CRACD: variants seen among roughly 807,000 people sequenced by gnomAD.
CRACD encodes the protein capping protein-inhibiting regulator of actin dynamics.
CRACD carries 56 observed loss-of-function variants against 106.8 expected under a neutral mutation model. That is an observed-to-expected ratio of 0.52 (90% confidence interval 0.42 to 0.66). CRACD has a LOEUF of 0.66. Ranked by LOEUF, CRACD falls within the 30% of genes least tolerant of loss-of-function variation. The pLI is 0.00. For missense variants in CRACD, 1,730 were observed against 1,623.2 expected (o/e 1.07, Z -1.13); for synonymous variants, 754 against 670.8 (o/e 1.12, Z -1.92).
At chr4:56,121,518 C>T (rs1020867300) in intron 1 of CRACD, among the ~76,000 whole-genome samples, 1 of 152,048 alleles carries the variant, frequency 6.6e-6, no homozygotes, top group African/African-American at 2.4e-5. Flanking sequence ...ATGGTGTGCA[C>T]CTGTAATCCC....
intron 8 of CRACD, among the ~76,000 whole-genome samples, chr4:56,321,572 T>G (rs907052553): frequency 1.3e-5 from 2 of 152,198 alleles, no homozygotes; most frequent in Admixed American, 1.3e-4. Flanking sequence ...TCTTGGCAAC[T>G]TGGTTTTTAG....
At chr4:56,072,733 C>T (rs1481262039) in intron 1 of CRACD, among the ~76,000 whole-genome samples, 1 of 152,098 alleles carries the variant, frequency 6.6e-6, no homozygotes, top group Non-Finnish European at 1.5e-5. Context: ...TTAGGTATTT[C>T]TCCTAATGCT....
At chr4:56,227,443 AT>A (rs1434970343) in intron 2 of CRACD, among the ~76,000 whole-genome samples, 2 of 152,230 alleles carry the variant, frequency 1.3e-5, no homozygotes, top group African/African-American at 4.8e-5. Flanking sequence ...ACAACATATC[AT>A]CAGTAACAAG....
intron 1 of CRACD, among the ~76,000 whole-genome samples, chr4:56,139,335 T>C (rs9990873): frequency 0.27 from 40,466 of 149,510 alleles, 5,544 homozygotes; most frequent in East Asian, 0.45. Flanking sequence ...TCCTCTCTCT[T>C]TCTCTCTCTC....
intron 2 of CRACD, among the ~76,000 whole-genome samples, chr4:56,231,159 C>T (rs1382261138): frequency 6.6e-6 from 1 of 152,158 alleles, no homozygotes; most frequent in Non-Finnish European, 1.5e-5. Flanking sequence ...TGTTCTTGTA[C>T]ATCATGATAT....
At chr4:56,101,679 C>T (rs1469183620) in intron 1 of CRACD, among the ~76,000 whole-genome samples, 2 of 149,616 alleles carry the variant, frequency 1.3e-5, no homozygotes, top group African/African-American at 4.9e-5. Flanking sequence ...AGGAGAATCG[C>T]TTGAACCCAG....
chr4:56,084,691 T>C (rs1733155942), intron 1 of CRACD, among the ~76,000 whole-genome samples: 1 of 152,194 alleles, frequency 6.6e-6, no homozygotes, highest in Non-Finnish European at 1.5e-5. Context: ...CACTGCCCTT[T>C]CCTAGTAATT....
intron 2 of CRACD, among the ~76,000 whole-genome samples, chr4:56,258,482 T>C (rs535501503): frequency 6.6e-6 from 1 of 152,358 alleles, no homozygotes; most frequent in African/African-American, 2.4e-5. Context: ...AACTTCTAAA[T>C]TGATTGAGAC....
chr4:56,233,493 G>A (rs1025096455), intron 2 of CRACD, among the ~76,000 whole-genome samples: 7 of 152,168 alleles, frequency 4.6e-5, no homozygotes, highest in African/African-American at 1.7e-4. Context: ...TCAAAAATCA[G>A]TTGTCAGTAT....
intron 2 of CRACD, among the ~76,000 whole-genome samples, chr4:56,270,145 T>C (rs1742263851): frequency 2.0e-5 from 3 of 152,226 alleles, no homozygotes. Context: ...TATTATTCTG[T>C]CTGCGTCCTC....
At chr4:56,106,737 T>C (rs1482753397) in intron 1 of CRACD, among the ~76,000 whole-genome samples, 7 of 152,328 alleles carry the variant, frequency 4.6e-5, no homozygotes, top group African/African-American at 1.7e-4. Context: ...CTCATTTGGA[T>C]TGTACAAGAA....
At position 56,245,393 on chromosome 4, in the gene CRACD, G is replaced by T. The variant is rs77383323; in HGVS notation, c.-188-26928G>T. 2.9e-3 allele frequency among the ~76,000 whole-genome samples: 442 copies of T among 152,180 alleles called. 6 individuals are homozygous for T. In the East Asian group the frequency reaches 0.054, roughly 18 times the overall value. ...AATCTCCCTGGCTGTGATACCTATG[G>T]TATCTTTTGTCACATGCCAAAAAAA... On this transcript the variant is annotated intron_variant, in intron 2 of 10. Transcript: ENST00000682029.
intron 1 of CRACD, among the ~76,000 whole-genome samples, chr4:56,130,401 TA>T (rs1384188651): frequency 6.6e-6 from 1 of 152,192 alleles, no homozygotes; most frequent in Non-Finnish European, 1.5e-5. Context: ...ATAAATATTT[TA>T]ATATATTTAT....
At chr4:56,122,354 A>G (rs1379789587) in intron 1 of CRACD, among the ~76,000 whole-genome samples, 1 of 152,078 alleles carries the variant, frequency 6.6e-6, no homozygotes, top group South Asian at 2.1e-4. Flanking sequence ...AGAAAAAAAA[A>G]GTCAGGAAAA....
At chr4:56,190,142 C>T (rs1292458027) in intron 2 of CRACD, among the ~76,000 whole-genome samples, 1 of 151,720 alleles carries the variant, frequency 6.6e-6, no homozygotes. Context: ...CTACAAAGGA[C>T]ATGAACTCAT....
chr4:56,284,719 C>T lies in CRACD; in HGVS notation c.-17+12227C>T, dbSNP rs150028504. ...CAGCCTGGGCTACAGAGTGAGACTC[C>T]GTCTCGAAAACAAAAAACAAAAAAA... is the stretch of plus-strand genomic sequence containing the variant. On this transcript the variant is annotated intron_variant, in intron 3 of 10. Coordinates refer to ENST00000682029, the MANE Select transcript of CRACD (RefSeq NM_001393381.1). Among the ~76,000 whole-genome samples the T allele has an allele frequency of 1.2e-3, 164 of 136,338 alleles. 1 individual carries two copies. Among genetic ancestry groups the T allele is most frequent in the African/African-American group, 4.3e-3 (154 of 36,198 alleles). 89.4% of individuals were successfully genotyped at this position (136,338 alleles called of 152,430 possible). A position where few individuals can be genotyped will look rare whatever the true frequency, so the allele number is the denominator to read the frequency against.
chr4:56,188,675 C>CTG (rs1346296995), intron 2 of CRACD, among the ~76,000 whole-genome samples: 161 of 103,446 alleles, frequency 1.6e-3, no homozygotes, highest in African/African-American at 7.7e-3. Context: ...CTCTCTCTCT[C>CTG]TCTCTCTCTC....
intron 1 of CRACD, among the ~76,000 whole-genome samples, chr4:56,159,512 C>A (rs147447534): frequency 0.41 from 62,276 of 151,278 alleles, 13,378 homozygotes; most frequent in African/African-American, 0.54. Flanking sequence ...ATTAGACGGG[C>A]GTGGTGGCGG....
chr4:56,051,409 G>T (rs1207439313), intron 1 of CRACD, among the ~76,000 whole-genome samples: 2 of 152,062 alleles, frequency 1.3e-5, no homozygotes, highest in Non-Finnish European at 1.5e-5. Context: ...CTCTTGGGTG[G>T]TTTTTTTCAT....
Sources: gnomAD v4.1 joint callset for allele counts (sites outside exome capture counted in the v4.1 genomes callset) on GRCh38, gnomAD v4.1.1 for gene constraint, MANE v1.5 for transcripts, NCBI Gene and HGNC (gene_info 2026-07-23, HGNC 2026-07-21) for gene names.